AMBRA1: variants seen among roughly 807,000 people sequenced by gnomAD.
AMBRA1 encodes autophagy and beclin 1 regulator 1.
A neutral mutation model predicts 125.4 loss-of-function variants in AMBRA1; 47 were observed. The ratio of observed to expected loss-of-function variants is 0.37; its 90% CI spans 0.30 to 0.48. The LOEUF (loss-of-function observed/expected upper bound fraction) is 0.48, where lower values mean the gene tolerates loss of function less well. Among genes scored for constraint, AMBRA1 ranks in the 20% least tolerant of loss-of-function variants. The probability of loss-of-function intolerance (pLI) is 0.99; values close to 1 mark genes in which losing one functional copy is unlikely to be tolerated. For missense variants in AMBRA1, 1,331 were observed against 1,693.4 expected (o/e 0.79, Z 3.76); for synonymous variants, 626 against 655.5 (o/e 0.95, Z 0.69).
At chr11:46,568,472 C>T (rs1021032037) in intron 1 of AMBRA1, among the ~76,000 whole-genome samples, 1 of 150,074 alleles carries the variant, frequency 6.7e-6, no homozygotes. Flanking sequence ...AAACAAAAAA[C>T]AAAAAACAAA....
intron 14 of AMBRA1, among the ~76,000 whole-genome samples, chr11:46,419,225 A>C (rs928703563): frequency 6.6e-6 from 1 of 152,156 alleles, no homozygotes; most frequent in African/African-American, 2.4e-5. Context: ...ATATTTTCTA[A>C]GTATGTAGGG....
rs72910100 is a variant in AMBRA1, at chr11:46,408,531, C to G, written c.3385G>C (p.Ala1129Pro). 3.2e-6 allele frequency: 5 copies of G among 1,573,120 alleles called. No homozygotes were observed. Among genetic ancestry groups the G allele is most frequent in the Non-Finnish European group, 4.3e-6 (5 of 1,156,026 alleles). ...CTCCTACCTTCACCAGGACCTGAGGCGGCTGTCCCTGGCTCCGGCACCTCC... is the reference window on the plus strand; with the variant it reads ...CTCCTACCTTCACCAGGACCTGAGGGGGCTGTCCCTGGCTCCGGCACCTCC... ...EREVPEPGTAASGPGEGEGSE... is the reference protein window; with the variant it reads ...EREVPEPGTAPSGPGEGEGSE... The change falls in exon 17 of 18, where the codon GCC becomes CCC. Residue 1129 changes from alanine (A) to proline (P), a missense_variant. Coordinates refer to ENST00000683756, the MANE Select transcript of AMBRA1 (RefSeq NM_001387011.1).
At chr11:46,463,064 T>C (rs1013365640) in intron 11 of AMBRA1, among the ~76,000 whole-genome samples, 1 of 152,198 alleles carries the variant, frequency 6.6e-6, no homozygotes, top group Non-Finnish European at 1.5e-5. Flanking sequence ...AATAATCCCC[T>C]TTTCTAAGAA....
Position 46,397,873 on chromosome 11 carries a change from G to A in AMBRA1, c.3474C>T (p.Gly1158=), listed in dbSNP as rs767129001. 1.8e-5 allele frequency: 29 copies of A among 1,600,212 alleles called. No homozygotes were observed. The East Asian group carries it at 2.0e-4, about 11-fold the overall frequency. The change falls in exon 18 of 18, where the codon GGC becomes GGT. Residue 1158 remains glycine, a synonymous_variant. Coordinates refer to ENST00000683756, the MANE Select transcript of AMBRA1 (RefSeq NM_001387011.1). ...CCCGCTGCACCACGGCTGTCATGCCGCCCTCCGCCATCAGCCTCTGGATCC... is the reference window on the plus strand; with the variant it reads ...CCCGCTGCACCACGGCTGTCATGCCACCCTCCGCCATCAGCCTCTGGATCC... ...LSRIQRLMAE[G]GMTAVVQREQ...
chr11:46,557,450 C>T (rs2043193844), intron 1 of AMBRA1, among the ~76,000 whole-genome samples: 1 of 152,100 alleles, frequency 6.6e-6, no homozygotes, highest in Non-Finnish European at 1.5e-5. Context: ...TGAGACCGTC[C>T]ACTGTAGAGG....
At chr11:46,457,618 G>A (rs575581306) in intron 11 of AMBRA1, among the ~76,000 whole-genome samples, 31 of 152,204 alleles carry the variant, frequency 2.0e-4, no homozygotes, top group African/African-American at 6.7e-4. Context: ...AAGATGGGCT[G>A]GGCCAGGCGC....
intron 7 of AMBRA1, among the ~76,000 whole-genome samples, chr11:46,524,610 T>C (rs1381531251): frequency 1.3e-5 from 2 of 152,202 alleles, no homozygotes; most frequent in Non-Finnish European, 2.9e-5. Flanking sequence ...GCTTCCACAT[T>C]TGAGGGGAAA....
At chr11:46,503,456 A>C (rs549088398) in intron 9 of AMBRA1, among the ~76,000 whole-genome samples, 2 of 152,330 alleles carry the variant, frequency 1.3e-5, no homozygotes, top group East Asian at 3.9e-4. Flanking sequence ...TCACCATAAC[A>C]GATCTAATAA....
chr11:46,441,850 G>A (rs867138750), intron 12 of AMBRA1, among the ~76,000 whole-genome samples: 6 of 151,398 alleles, frequency 4.0e-5, no homozygotes, highest in South Asian at 4.2e-4. Context: ...TAAATAGTCA[G>A]AGTACTGTCA....
chr11:46,563,382 G>A (rs1000038380), intron 1 of AMBRA1, among the ~76,000 whole-genome samples: 3 of 152,116 alleles, frequency 2.0e-5, no homozygotes, highest in Admixed American at 6.5e-5. Flanking sequence ...ATATAACTAC[G>A]CCCCAGTAAT....
Position 46,587,939 on chromosome 11 carries a change from C to T in AMBRA1, c.-121+5889G>A, listed in dbSNP as rs112982888. 8.1e-3 allele frequency among the ~76,000 whole-genome samples: 1,237 copies of T among 152,076 alleles called. 27 individuals are homozygous for T. Among genetic ancestry groups the T allele is most frequent in the Middle Eastern group, 6.8e-3 (2 of 294 alleles). On this transcript the variant is annotated intron_variant, in intron 1 of 17. Coordinates refer to ENST00000683756, the MANE Select transcript of AMBRA1 (RefSeq NM_001387011.1). ...ATATTTCTGACCTCAGAAAAAAACA[C>T]GGTACCAAAACAACACACAATGAAG...
chr11:46,580,758 C>T (rs2044140819), intron 1 of AMBRA1, among the ~76,000 whole-genome samples: 1 of 152,148 alleles, frequency 6.6e-6, no homozygotes. Context: ...CCAAACCCCT[C>T]CCCACAATGT....
At chr11:46,548,543 G>A (rs921772304) in intron 1 of AMBRA1, 43 bp from the exon 2 acceptor site, 11 of 771,788 alleles carry the variant, frequency 1.4e-5, no homozygotes, top group Admixed American at 2.9e-5. Flanking sequence ...CTTCTGCAAC[G>A]AGAAGCTTCT....
chr11:46,434,325 A>T lies in AMBRA1; in HGVS notation c.2821+524T>A, dbSNP rs1031533711. On this transcript the variant is annotated intron_variant, in intron 13 of 17. Coordinates refer to ENST00000683756, the MANE Select transcript of AMBRA1 (RefSeq NM_001387011.1). Reference sequence around the variant, plus strand: ...ACCATCATTTGTTTAGTCAACTCTTAAAAAAAAAACAAAAAACACTTAAAT... The same window carrying T: ...ACCATCATTTGTTTAGTCAACTCTTTAAAAAAAAACAAAAAACACTTAAAT... Among the ~76,000 whole-genome samples the T allele has an allele frequency of 1.3e-3, 193 of 147,226 alleles. 3 individuals are homozygous for T. The highest frequency in any genetic ancestry group is 4.5e-4 in the Non-Finnish European group (30 of 66,410).
chr11:46,572,973 C>T (rs1253192547), intron 1 of AMBRA1, among the ~76,000 whole-genome samples: 2 of 151,682 alleles, frequency 1.3e-5, no homozygotes, highest in Non-Finnish European at 2.9e-5. Flanking sequence ...CGCCTGTAAT[C>T]CCAGCTACTC....
intron 11 of AMBRA1, among the ~76,000 whole-genome samples, chr11:46,459,975 G>C (rs576545619): frequency 6.6e-6 from 1 of 152,250 alleles, no homozygotes; most frequent in African/African-American, 2.4e-5. Context: ...ATAATACCCT[G>C]AGATGCCTTT....
intron 14 of AMBRA1, among the ~76,000 whole-genome samples, chr11:46,422,988 G>A (rs185577391): frequency 1.3e-5 from 2 of 152,286 alleles, no homozygotes; most frequent in Non-Finnish European, 2.9e-5. Context: ...GGAACTGTGA[G>A]GAGGAAAGAT....
At chr11:46,457,973 A>G (rs1459144237) in intron 11 of AMBRA1, among the ~76,000 whole-genome samples, 1 of 152,076 alleles carries the variant, frequency 6.6e-6, no homozygotes, top group African/African-American at 2.4e-5. Context: ...AGATTCTAAA[A>G]TGGAAAAAAG....
intron 1 of AMBRA1, among the ~76,000 whole-genome samples, chr11:46,582,041 G>C (rs1401188894): frequency 2.0e-5 from 3 of 149,828 alleles, no homozygotes; most frequent in African/African-American, 4.9e-5. Flanking sequence ...CTTGAGCCTA[G>C]AAGGTCAAGA....
Sources: gnomAD v4.1 joint callset for allele counts (sites outside exome capture counted in the v4.1 genomes callset) on GRCh38, gnomAD v4.1.1 for gene constraint, MANE v1.5 for transcripts, NCBI Gene and HGNC (gene_info 2026-07-23, HGNC 2026-07-21) for gene names.